Variants in PIP5K1C observed in about 807,000 individuals in gnomAD.
PIP5K1C encodes the protein phosphatidylinositol-4-phosphate 5-kinase type 1 gamma.
PIP5K1C carries 45 observed loss-of-function variants against 80.1 expected under a neutral mutation model. The ratio of observed to expected loss-of-function variants is 0.56; its 90% CI spans 0.44 to 0.72. The LOEUF is 0.72. PIP5K1C is among the 30% of genes least tolerant of loss of function. The probability of loss-of-function intolerance (pLI) is 0.00; values close to 1 mark genes in which losing one functional copy is unlikely to be tolerated. For synonymous variants in PIP5K1C, 498 were observed against 420.1 expected, an observed-to-expected ratio of 1.19 and a Z score of -2.27; for missense variants, 753 against 954.6, an observed-to-expected ratio of 0.79 and a Z score of 2.78.
In PIP5K1C at chr19:3,638,840, G is replaced by C. The variant is rs756165842; in HGVS notation, c.1920+44C>G. Reference sequence around the variant, plus strand: ...CACGGTGGAGCGTGTGTGAGAGAGAGTCCGGTTGACGAGCCGGCGGCAGGA... The same window carrying C: ...CACGGTGGAGCGTGTGTGAGAGAGACTCCGGTTGACGAGCCGGCGGCAGGA... On this transcript the variant is annotated intron_variant, in intron 16 of 17. Transcript: ENST00000335312. 16 of 1,611,276 alleles carry C rather than the reference G, an allele frequency of 9.9e-6. No individual in the cohort carries two copies. In the African/African-American group the frequency reaches 2.0e-4, roughly 20 times the overall value.
intron 17 of PIP5K1C, 57 bp downstream of exon 17, chr19:3,633,380 C>A (rs1032750596): frequency 6.7e-6 from 9 of 1,336,038 alleles, no homozygotes; most frequent in Non-Finnish European, 8.1e-6. Context: ...CTGGGGACCA[C>A]GCTCAGTAGA....
chr19:3,636,330 C>A, intron 16 of PIP5K1C: 17 of 949,360 alleles, frequency 1.8e-5, no homozygotes, highest in Non-Finnish European at 2.1e-5. Flanking sequence ...AAGGGCACAG[C>A]CTCTTCAGCA....
At chr19:3,663,990 G>C (rs528416819) in intron 3 of PIP5K1C, among the ~76,000 whole-genome samples, 2 of 152,308 alleles carry the variant, frequency 1.3e-5, no homozygotes, top group Admixed American at 6.5e-5. Context: ...ACGCAGCAAA[G>C]GACAAGTGCA....
At chr19:3,691,790 G>T (rs570073506) in intron 1 of PIP5K1C, among the ~76,000 whole-genome samples, 14 of 152,284 alleles carry the variant, frequency 9.2e-5, no homozygotes, top group African/African-American at 2.6e-4. Flanking sequence ...CAGCACCTCC[G>T]TCAACCTGGG....
chr19:3,643,596 G>T (rs1189076926), intron 12 of PIP5K1C, among the ~76,000 whole-genome samples: 1 of 151,964 alleles, frequency 6.6e-6, no homozygotes, highest in Non-Finnish European at 1.5e-5. Context: ...ACAGCCCAGA[G>T]GGCCCTGTGC....
chr19:3,631,073 TG>T lies in PIP5K1C; in HGVS notation c.*2093del, dbSNP rs1249479689. The T allele has an allele frequency of 9.9e-5, 15 of 152,236 alleles. No individual in the cohort carries two copies. The highest frequency in any genetic ancestry group is 3.4e-4 in the African/African-American group (14 of 41,456). 9.4% of individuals were successfully genotyped at this position (152,236 alleles called of 1,614,324 possible). ...AGACAACACAAGAATGGAAATGAAA[TG>T]GTATCCACAGAGGTTTGCACATTTC... On this transcript the variant is annotated 3_prime_UTR_variant, in exon 18 of 18. Coordinates refer to ENST00000335312, the MANE Select transcript of PIP5K1C (RefSeq NM_012398.3).
chr19:3,637,790 CT>C lies in PIP5K1C; in HGVS notation c.1920+1093del. Reference sequence around the variant, plus strand: ...CGGGGCAGGGGCAGGACCGAGGACCCTTCTCCCTTCTCTGCTGCCCACCTGG... The same window carrying C: ...CGGGGCAGGGGCAGGACCGAGGACCCTCTCCCTTCTCTGCTGCCCACCTGG... On this transcript the variant is annotated intron_variant, in intron 16 of 17. Transcript: ENST00000335312. The surrounding 1 kb of genome is among the most constrained non-coding windows in gnomAD (Gnocchi z 7.0). 2 of 1,534,264 alleles carry C rather than the reference CT, an allele frequency of 1.3e-6. No homozygotes were observed. Among genetic ancestry groups the C allele is most frequent in the Non-Finnish European group, 1.7e-6 (2 of 1,146,566 alleles).
chr19:3,677,074 C>T (rs1022935596), intron 1 of PIP5K1C, among the ~76,000 whole-genome samples: 9 of 151,718 alleles, frequency 5.9e-5, no homozygotes, highest in Non-Finnish European at 8.8e-5. Context: ...TGCACTCTAG[C>T]CTGGGCAACA....
At chr19:3,680,721 AGTCAGGG>A (rs2035566037) in intron 1 of PIP5K1C, among the ~76,000 whole-genome samples, 1 of 152,246 alleles carries the variant, frequency 6.6e-6, no homozygotes, top group Admixed American at 6.5e-5. Context: ...TTATCCCTTA[AGTCAGGG>A]GTCAGCAAAC....
intron 1 of PIP5K1C, among the ~76,000 whole-genome samples, chr19:3,677,466 C>A (rs2035395135): frequency 6.6e-6 from 1 of 151,802 alleles, no homozygotes; most frequent in Non-Finnish European, 1.5e-5. Flanking sequence ...GCCTGTAATC[C>A]CAGCTACTTG....
chr19:3,678,580 A>C (rs1412192742), intron 1 of PIP5K1C, among the ~76,000 whole-genome samples: 1 of 57,752 alleles, frequency 1.7e-5, no homozygotes. Context: ...GGAGGGATGG[A>C]GGGATAAAGG....
At chr19:3,633,792 G>A (rs1269596742) in intron 16 of PIP5K1C, among the ~76,000 whole-genome samples, 1 of 152,092 alleles carries the variant, frequency 6.6e-6, no homozygotes, top group Admixed American at 6.5e-5. Flanking sequence ...TGAGATAGCA[G>A]GTGACAGAGC....
chr19:3,664,457 A>C (rs1177346542), intron 3 of PIP5K1C, among the ~76,000 whole-genome samples: 1 of 152,168 alleles, frequency 6.6e-6, no homozygotes, highest in Non-Finnish European at 1.5e-5. Flanking sequence ...ACACGGTGTG[A>C]GCCAGGCCAG....
At chr19:3,668,218 A>G (rs56345701) in intron 1 of PIP5K1C, among the ~76,000 whole-genome samples, 31,413 of 151,992 alleles carry the variant, frequency 0.21, 3,637 homozygotes, top group African/African-American at 0.3. Context: ...GGCGAGACTC[A>G]GCTCCTAGGA....
rs12972464 is a variant in PIP5K1C, at chr19:3,644,409, C to T, written c.1346-158G>A. 3.1e-3 allele frequency among the ~76,000 whole-genome samples: 476 copies of T among 152,232 alleles called. 4 individuals are homozygous for T. Among genetic ancestry groups the T allele is most frequent in the South Asian group, 6.0e-3 (29 of 4,826 alleles). On this transcript the variant is annotated intron_variant, in intron 11 of 17. Coordinates refer to ENST00000335312, the MANE Select transcript of PIP5K1C (RefSeq NM_012398.3). The stretch of plus-strand genomic sequence containing the variant: ...GCACCACAACCTCTTGGTGGAAAAC[C>T]GGGGTCTGCCTGGGGAGGGACTGCG...
intron 8 of PIP5K1C, among the ~76,000 whole-genome samples, chr19:3,651,571 G>A (rs770481733): frequency 4.6e-5 from 7 of 152,090 alleles, no homozygotes; most frequent in Non-Finnish European, 7.4e-5. Context: ...CAGTGGCCTC[G>A]GCCCAGTCAC....
intron 3 of PIP5K1C, among the ~76,000 whole-genome samples, chr19:3,662,537 C>T (rs570328258): frequency 2.0e-4 from 31 of 152,228 alleles, no homozygotes; most frequent in African/African-American, 5.5e-4. Flanking sequence ...GGCCCTCTTG[C>T]GGACGTGGTG....
rs1255545248 is a variant in PIP5K1C at position 3,700,414 on chromosome 19, G to A, written c.-24C>T. ...ATGGCCGCGCGCGGACGGCGGCGGG[G>A]GCGCCCGAGGGGGACCCGAGCTGCG... On this transcript the variant is annotated 5_prime_UTR_variant, in exon 1 of 18. Coordinates refer to ENST00000335312, the MANE Select transcript of PIP5K1C (RefSeq NM_012398.3). 7 of 1,077,072 alleles carry A rather than the reference G, an allele frequency of 6.5e-6. No homozygotes were observed. The highest frequency in any genetic ancestry group is 6.7e-5 in the East Asian group (1 of 14,844). The allele number at this position is 1,077,072 out of a possible 1,614,324, so 66.7% of individuals were successfully genotyped here. A position where few individuals can be genotyped will look rare whatever the true frequency, so the allele number is the denominator to read the frequency against.
At position 3,653,410 on chromosome 19, in the gene PIP5K1C, C is replaced by T. The variant is rs1372268504; in HGVS notation, c.801G>A (p.Glu267=). ...STYKRRASKK[E]KEKSFPTYKD... ...TGTAGGTGGGGAAGCTCTTCTCCTT[C>T]TCCTTCTTGCTGGCGCGCCGCTTGT... The change falls in exon 7 of 18, where the codon GAG becomes GAA. Residue 267 remains glutamate (E), a synonymous_variant. Coordinates refer to ENST00000335312, the MANE Select transcript of PIP5K1C (RefSeq NM_012398.3). The T allele has an allele frequency of 6.2e-7, 1 of 1,613,374 alleles. No individual in the cohort carries two copies. The highest frequency in any genetic ancestry group is 8.5e-7 in the Non-Finnish European group (1 of 1,180,030).
Sources: gnomAD v4.1 joint callset for allele counts (sites outside exome capture counted in the v4.1 genomes callset) on GRCh38, gnomAD v4.1.1 for gene constraint, Gnocchi (gnomAD v3.1) non-coding constraint, MANE v1.5 for transcripts, NCBI Gene and HGNC (gene_info 2026-07-23, HGNC 2026-07-21) for gene names.